Variants in STXBP4 observed in about 807,000 individuals in gnomAD.
STXBP4 encodes the protein syntaxin-binding protein 4.
STXBP4 carries 55 observed loss-of-function variants against 76.1 expected under a neutral mutation model. The observed-to-expected ratio is 0.72, with a 90% CI of 0.58 to 0.91. The LOEUF is 0.91. Among genes scored for constraint, STXBP4 ranks in the 40% least tolerant of loss-of-function variants. STXBP4 has a pLI of 0.00. For missense variants in STXBP4, 618 were observed against 636.9 expected, an observed-to-expected ratio of 0.97 and a Z score of 0.32; for synonymous variants, 201 against 220.2, an observed-to-expected ratio of 0.91 and a Z score of 0.77.
chr17:55,092,943 G>A (rs1186457586), intron 16 of STXBP4, among the ~76,000 whole-genome samples: 1 of 151,912 alleles, frequency 6.6e-6, no homozygotes, highest in Non-Finnish European at 1.5e-5. Flanking sequence ...TAAGAAGCAT[G>A]AATTTATTAA....
the STXBP4 span, among the ~76,000 whole-genome samples, chr17:55,188,164 C>T: frequency 6.6e-6 from 1 of 152,074 alleles, no homozygotes; most frequent in African/African-American, 2.4e-5. Flanking sequence ...TGTAAGCATT[C>T]GGTAAATAAT....
chr17:55,138,283 A>G (rs2787475), intron 16 of STXBP4, among the ~76,000 whole-genome samples: 36,997 of 152,078 alleles, frequency 0.24, 4,992 homozygotes, highest in South Asian at 0.32. Context: ...TAAAGGATCA[A>G]TAAATATTTA....
At chr17:55,054,901 A>C (rs1285161078) in intron 12 of STXBP4, among the ~76,000 whole-genome samples, 1 of 152,186 alleles carries the variant, frequency 6.6e-6, no homozygotes, top group Non-Finnish European at 1.5e-5. Context: ...ACAGAAAGGC[A>C]GAGCATTTCA....
intron 9 of STXBP4, among the ~76,000 whole-genome samples, chr17:55,032,369 A>G (rs1382737744): frequency 2.0e-5 from 3 of 152,178 alleles, no homozygotes; most frequent in African/African-American, 7.2e-5. Context: ...TACAAGTAAA[A>G]TCACAATATC....
chr17:55,024,934 G>A (rs1195886828), intron 8 of STXBP4, among the ~76,000 whole-genome samples: 2 of 151,872 alleles, frequency 1.3e-5, no homozygotes, highest in Non-Finnish European at 2.9e-5. Context: ...TCAGGAGATC[G>A]AAACCATCCT....
intron 12 of STXBP4, among the ~76,000 whole-genome samples, chr17:55,071,997 A>AT (rs993437326): frequency 2.0e-5 from 3 of 152,246 alleles, no homozygotes; most frequent in East Asian, 1.9e-4. Context: ...ACCAAGGTAC[A>AT]TTTTTTTCCC....
Position 55,168,227 on chromosome 17 carries a change from A to C in STXBP4, c.*8316A>C, listed in dbSNP as rs996017796. The C allele has an allele frequency of 1.8e-5, 2 of 111,738 alleles. No homozygotes were observed. The highest frequency in any genetic ancestry group is 7.4e-5 in the African/African-American group (2 of 27,040). The allele number at this position is 111,738 out of a possible 1,614,324, so 6.9% of individuals were successfully genotyped here. On this transcript the variant is annotated 3_prime_UTR_variant, in exon 18 of 18. Coordinates refer to ENST00000376352, the MANE Select transcript of STXBP4 (RefSeq NM_178509.6). ...TGTGTGTGTGTGTGTATATATATAT[A>C]TCTGTGTGTATATACACACCACACA... is the stretch of plus-strand genomic sequence containing the variant.
chr17:55,035,338 AATACTACAGTATTTT>A (rs1399880624), intron 10 of STXBP4, among the ~76,000 whole-genome samples: 18 of 152,012 alleles, frequency 1.2e-4, no homozygotes, highest in Non-Finnish European at 2.1e-4. Flanking sequence ...GTAGAATATA[AATACTACAGTATTTT>A]ATACCCATAA....
At chr17:55,185,099 G>C in the STXBP4 span, among the ~76,000 whole-genome samples, 1 of 152,066 alleles carries the variant, frequency 6.6e-6, no homozygotes, top group Non-Finnish European at 1.5e-5. Context: ...TAGAACTCCT[G>C]GGCTCAAATA....
intron 12 of STXBP4, among the ~76,000 whole-genome samples, chr17:55,048,537 A>G (rs544634972): frequency 1.3e-5 from 2 of 151,998 alleles, no homozygotes; most frequent in South Asian, 4.1e-4. Context: ...TACTCAAGGG[A>G]ATTTCCTCAA....
intron 9 of STXBP4, among the ~76,000 whole-genome samples, chr17:55,031,934 T>A (rs1238946540): frequency 6.6e-6 from 1 of 152,232 alleles, no homozygotes. Context: ...TACCACTTAG[T>A]TATTGTACTA....
chr17:55,037,558 AAG>A (rs1350282898), intron 10 of STXBP4, among the ~76,000 whole-genome samples: 6 of 152,202 alleles, frequency 3.9e-5, no homozygotes, highest in African/African-American at 4.8e-5. Flanking sequence ...GCAATTGTGC[AAG>A]AGTCACTAAT....
intron 4 of STXBP4, among the ~76,000 whole-genome samples, chr17:54,994,322 A>C (rs1357051908): frequency 6.6e-6 from 1 of 152,158 alleles, no homozygotes; most frequent in Non-Finnish European, 1.5e-5. Context: ...TGGACCTCTT[A>C]AAGGTATCTC....
chr17:55,202,924 A>G, the STXBP4 span, among the ~76,000 whole-genome samples: 1 of 152,168 alleles, frequency 6.6e-6, no homozygotes, highest in Admixed American at 6.5e-5. Context: ...GTCATTCAGC[A>G]TTCATGTCTC....
At chr17:55,075,860 T>C (rs889605289) in intron 13 of STXBP4, among the ~76,000 whole-genome samples, 2 of 152,120 alleles carry the variant, frequency 1.3e-5, no homozygotes, top group African/African-American at 4.8e-5. Flanking sequence ...TGATATCAGG[T>C]TGGTAGCTTG....
At chr17:55,128,647 G>T (rs150613202) in intron 16 of STXBP4, among the ~76,000 whole-genome samples, 2 of 152,080 alleles carry the variant, frequency 1.3e-5, no homozygotes, top group East Asian at 3.9e-4. Flanking sequence ...GAGGAGTCTC[G>T]CTCTGTCGCC....
rs575963832 is a variant in STXBP4, at chr17:55,096,888, G to T, written c.1489+15705G>T. Among the ~76,000 whole-genome samples the T allele has an allele frequency of 2.3e-4, 35 of 152,102 alleles. No homozygotes were observed. The South Asian group carries it at 7.3e-3, about 32-fold the overall frequency. ...CCTGTATTATTGCTCTTTTCATATT[G>T]CCTTGTAATTATCTATTTGTATGTT... On this transcript the variant is annotated intron_variant, in intron 16 of 17. Transcript: ENST00000376352.
At chr17:55,033,929 A>G (rs1567729353) in intron 9 of STXBP4, among the ~76,000 whole-genome samples, 1 of 152,230 alleles carries the variant, frequency 6.6e-6, no homozygotes, top group African/African-American at 2.4e-5. Context: ...GGTCCATGAT[A>G]TATATTTGCT....
At chr17:55,202,237 T>C in the STXBP4 span, among the ~76,000 whole-genome samples, 4 of 152,102 alleles carry the variant, frequency 2.6e-5, no homozygotes, top group African/African-American at 4.8e-5. Flanking sequence ...TCTGCTCTTA[T>C]GGTCTCTCAA....
Sources: gnomAD v4.1 joint callset for allele counts (sites outside exome capture counted in the v4.1 genomes callset) on GRCh38, gnomAD v4.1.1 for gene constraint, MANE v1.5 for transcripts, NCBI Gene and HGNC (gene_info 2026-07-23, HGNC 2026-07-21) for gene names.